LRP1: variants seen among roughly 807,000 people sequenced by gnomAD.
LRP1 encodes the protein prolow-density lipoprotein receptor-related protein 1.
LRP1 carries 51 observed loss-of-function variants against 541.5 expected under a neutral mutation model. The ratio of observed to expected loss-of-function variants is 0.09; its 90% CI spans 0.08 to 0.12. The LOEUF is 0.12. Ranked by LOEUF, LRP1 falls within the 10% of genes least tolerant of loss-of-function variation. The pLI, the probability that LRP1 is intolerant of heterozygous loss-of-function variation, is 1.00. For synonymous variants in LRP1, 2,219 were observed against 2,470.8 expected (o/e 0.90, Z 3.02); for missense variants, 3,878 against 6,376.2 (o/e 0.61, Z 13.34).
chr12:57,181,827 A>C (rs140128292), intron 34 of LRP1, among the ~76,000 whole-genome samples: 43 of 152,320 alleles, frequency 2.8e-4, no homozygotes, highest in African/African-American at 8.9e-4. Context: ...GGGCTCAGTA[A>C]GGGTTGAAGA....
chr12:57,193,605 A>G lies in LRP1; in HGVS notation c.7724A>G (p.Asn2575Ser), dbSNP rs771465981. The G allele has an allele frequency of 4.3e-6, 7 of 1,614,040 alleles. No homozygotes were observed. The highest frequency in any genetic ancestry group is 4.5e-5 in the East Asian group (2 of 44,900). ...RCKKTFRQCS[N>S]GRCVSNMLWC... ...AAGAAGACTTTCCGGCAGTGCAGCA[A>G]TGGGCGCTGTGTGTCCAACATGCTG... is the stretch of plus-strand genomic sequence containing the variant. Residue 2575 changes from asparagine (N) to serine (S), a missense_variant, in exon 47 of 89, where the codon AAT becomes AGT. Asn to Ser is a conservative substitution (Grantham distance 46). Around this residue, in one of 13 missense-constraint regions of LRP1, gnomAD observed 1,100 missense variants for 1,827.4 expected, o/e 0.60. Transcript: ENST00000243077.
In LRP1 at chr12:57,180,349, T is replaced by C; in HGVS notation, c.5256T>C (p.Pro1752=). 1 of 1,614,076 alleles carries C rather than the reference T, an allele frequency of 6.2e-7. No homozygotes were observed. Among genetic ancestry groups the C allele is most frequent in the Non-Finnish European group, 8.5e-7 (1 of 1,180,010 alleles). The change falls in exon 32 of 89, where the codon CCT becomes CCC. Residue 1752 remains proline (P), a synonymous_variant. Transcript: ENST00000243077. ...KGPVGLAIDF[P]ESKLYWISSG... ...TTCCAGGCCTGGCTATTGACTTCCC[T>C]GAAAGCAAACTCTACTGGATCAGCT...
In LRP1 at chr12:57,162,285, C is replaced by G; in HGVS notation, c.2203-32C>G. 6.3e-7 allele frequency: 1 copy of G among 1,590,632 alleles called. No homozygotes were observed. The highest frequency in any genetic ancestry group is 2.2e-5 in the East Asian group (1 of 44,756). On this transcript the variant is annotated intron_variant, in intron 13 of 88. Transcript: ENST00000243077. The surrounding 1 kb of genome is among the most constrained non-coding windows in gnomAD (Gnocchi z 5.2). ...TCACAGGCCTCCCTCAATTTTCTTC[C>G]AACTCCTTAGTAACATCCTCTCCAT... is the stretch of plus-strand genomic sequence containing the variant.
chr12:57,149,118 T>C, intron 6 of LRP1: 1 of 506,966 alleles, frequency 2.0e-6, no homozygotes, highest in South Asian at 3.2e-5. Context: ...CTCCCCACTG[T>C]GCTGGGCACC....
chr12:57,182,607 C>T (rs1387585830), intron 34 of LRP1, among the ~76,000 whole-genome samples: 2 of 151,280 alleles, frequency 1.3e-5, no homozygotes, highest in African/African-American at 4.9e-5. Flanking sequence ...ACCTTGAGGC[C>T]GGGGTTCAAG....
intron 3 of LRP1, among the ~76,000 whole-genome samples, chr12:57,142,401 G>A (rs1174044294): frequency 6.6e-6 from 1 of 152,240 alleles, no homozygotes; most frequent in African/African-American, 2.4e-5. Context: ...TCTGTGGGAG[G>A]AGACTCATCT....
At position 57,205,093 on chromosome 12, in the gene LRP1, C is replaced by T; in HGVS notation, c.11195-16C>T. ...AGGGGAGAATACCCAGGGCCTAAAGCCTCTGCCCTCCTCAGAGCCCCCCAC... is the reference window on the plus strand; with the variant it reads ...AGGGGAGAATACCCAGGGCCTAAAGTCTCTGCCCTCCTCAGAGCCCCCCAC... On this transcript the variant is annotated splice_polypyrimidine_tract_variant and intron_variant, in intron 72 of 88. Transcript: ENST00000243077. The surrounding 1 kb of genome is among the most constrained non-coding windows in gnomAD (Gnocchi z 4.6). The T allele has an allele frequency of 3.7e-6, 6 of 1,609,146 alleles. No homozygotes were observed. Among genetic ancestry groups the T allele is most frequent in the Non-Finnish European group, 5.1e-6 (6 of 1,177,192 alleles).
At chr12:57,141,597 T>C (rs891792229) in intron 3 of LRP1, 86 bp downstream of exon 3, 1 of 1,528,754 alleles carries the variant, frequency 6.5e-7, no homozygotes, top group African/African-American at 1.4e-5. Context: ...GCACCTTCAG[T>C]GGGGATGAGG....
chr12:57,206,456 G>T lies in LRP1; in HGVS notation c.11591-17G>T. 1 of 1,612,932 alleles carries T rather than the reference G, an allele frequency of 6.2e-7. No individual in the cohort carries two copies. The highest frequency in any genetic ancestry group is 1.1e-5 in the South Asian group (1 of 91,058). Reference sequence around the variant, plus strand: ...CCTGCATCCCACAGCCCCAGCCCTGGCCTCTTGCTTCTCCAGGCTCTGAGT... The same window carrying T: ...CCTGCATCCCACAGCCCCAGCCCTGTCCTCTTGCTTCTCCAGGCTCTGAGT... On this transcript the variant is annotated splice_polypyrimidine_tract_variant and intron_variant, in intron 75 of 88. Coordinates refer to ENST00000243077, the MANE Select transcript of LRP1 (RefSeq NM_002332.3). This position sits in a 1 kb window ranked among gnomAD's most constrained non-coding sequence, Gnocchi z 4.7.
chr12:57,158,694 A>G lies in LRP1; in HGVS notation c.1798+56A>G, dbSNP rs1192711530. ...GATGGAAGGGGGCTGGGGCCCAGGC[A>G]TCTGTTTCTCGGTGCCCTCTCAGCA... On this transcript the variant is annotated intron_variant, in intron 11 of 88. Transcript: ENST00000243077. This position sits in a 1 kb window ranked among gnomAD's most constrained non-coding sequence, Gnocchi z 5.3. 29 of 1,524,952 alleles carry G rather than the reference A, an allele frequency of 1.9e-5. 1 individual carries two copies. The highest frequency in any genetic ancestry group is 6.9e-5 in the Admixed American group (4 of 57,962). 94.5% of individuals were successfully genotyped at this position (1,524,952 alleles called of 1,614,324 possible). A position where few individuals can be genotyped will look rare whatever the true frequency, so the allele number is the denominator to read the frequency against.
In LRP1 at chr12:57,185,663, G is replaced by A. The variant is rs2036255448; in HGVS notation, c.6596G>A (p.Gly2199Asp). 1 of 1,613,422 alleles carries A rather than the reference G, an allele frequency of 6.2e-7. No individual in the cohort carries two copies. Among genetic ancestry groups the A allele is most frequent in the Non-Finnish European group, 8.5e-7 (1 of 1,179,988 alleles). Residue 2199 changes from glycine (G) to aspartate (D), a missense_variant, in exon 41 of 89, where the codon GGC (glycine) becomes GAC (aspartate). Physicochemically the swap from Gly to Asp is moderately conservative, Grantham distance 94 (BLOSUM62 -1). Coordinates refer to ENST00000243077, the MANE Select transcript of LRP1 (RefSeq NM_002332.3). The surrounding 1 kb of genome is among the most constrained non-coding windows in gnomAD (Gnocchi z 4.9). ...GGAGCATCGTGCCGCGAGTATGCCG[G>A]CTACCTGCTCTACTCAGAGCGCACC... The part of the protein sequence containing the change: ...EDGASCREYA[G>D]YLLYSERTIL...
In LRP1 at chr12:57,207,990, T is replaced by C. The variant is rs41309405; in HGVS notation, c.11860-48T>C. 4,154 of 1,590,738 alleles carry C rather than the reference T, an allele frequency of 2.6e-3. 3 individuals are homozygous for C. The highest frequency in any genetic ancestry group is 3.3e-3 in the Non-Finnish European group (3,831 of 1,163,880). ...TGGCAGAGTGGTGGCGGGGGGATAA[T>C]GGCAGGAAGACAAAGCAGTGGCCCC... On this transcript the variant is annotated intron_variant, in intron 76 of 88. Coordinates refer to ENST00000243077, the MANE Select transcript of LRP1 (RefSeq NM_002332.3).
rs34630693 is a variant in LRP1, at chr12:57,212,472, C to A, written c.13552C>A (p.Arg4518Ser). Residue 4518 changes from arginine (R) to serine (S), a missense_variant, in exon 89 of 89, where the codon CGC becomes AGC. This residue lies in a region of LRP1 where 871 missense variants were observed against 1,212.4 expected (regional missense o/e 0.72). Coordinates refer to ENST00000243077, the MANE Select transcript of LRP1 (RefSeq NM_002332.3). This position sits in a 1 kb window ranked among gnomAD's most constrained non-coding sequence, Gnocchi z 5.0. The part of the protein sequence containing the change: ...ATLYMGGHGS[R>S]HSLASTDEKR... The stretch of plus-strand genomic sequence containing the variant: ...ACTCTACATGGGGGGCCATGGCAGT[C>A]GCCACTCCCTGGCCAGCACGGACGA... The A allele has an allele frequency of 2.1e-5, 34 of 1,614,080 alleles. No individual in the cohort carries two copies. Among genetic ancestry groups the A allele is most frequent in the Non-Finnish European group, 2.8e-5 (33 of 1,179,996 alleles).
chr12:57,138,182 G>T (rs928201114), intron 1 of LRP1, among the ~76,000 whole-genome samples: 1 of 152,124 alleles, frequency 6.6e-6, no homozygotes, highest in African/African-American at 2.4e-5. Context: ...GAATAGCAAA[G>T]GCTTTGACCC....
At chr12:57,163,102 T>A in intron 15 of LRP1, 119 bp downstream of exon 15, 2 of 1,371,824 alleles carry the variant, frequency 1.5e-6, no homozygotes, top group South Asian at 3.0e-5. Context: ...GAGGGGCCCT[T>A]AGGGGGCCAA....
intron 6 of LRP1, chr12:57,146,827 A>T (rs956241639): frequency 6.6e-6 from 1 of 152,300 alleles, no homozygotes; most frequent in Non-Finnish European, 1.5e-5. Context: ...CCCATGGCTG[A>T]TGGGGTGGGA....
At chr12:57,144,593 T>C (rs911037661) in intron 4 of LRP1, 1 of 226,452 alleles carries the variant, frequency 4.4e-6, no homozygotes, top group African/African-American at 2.2e-5. Flanking sequence ...ACCTCTAATG[T>C]ATACTTTATT....
rs916577942 is a variant in LRP1, at chr12:57,189,433, C to T, written c.7032-1372C>T. ...CCCAACTTACATCCCGATTCCAGAG[C>T]CACCGCAAACCCCTGCTCTCCTCCA... On this transcript the variant is annotated intron_variant, in intron 42 of 88. Coordinates refer to ENST00000243077, the MANE Select transcript of LRP1 (RefSeq NM_002332.3). The surrounding 1 kb of genome is among the most constrained non-coding windows in gnomAD (Gnocchi z 4.4). 1.3e-5 allele frequency among the ~76,000 whole-genome samples: 2 copies of T among 152,168 alleles called. No individual in the cohort carries two copies. The highest frequency in any genetic ancestry group is 2.9e-5 in the Non-Finnish European group (2 of 68,030).
At chr12:57,172,256 C>T (rs969900208) in intron 20 of LRP1, among the ~76,000 whole-genome samples, 7 of 151,830 alleles carry the variant, frequency 4.6e-5, no homozygotes, top group African/African-American at 1.5e-4. Flanking sequence ...CTGCAAGCTC[C>T]GCCTCCCAGT....
Sources: gnomAD v4.1 joint callset for allele counts (sites outside exome capture counted in the v4.1 genomes callset) on GRCh38, gnomAD v4.1.1 for gene constraint, gnomAD v4.1.1 regional missense constraint, Gnocchi (gnomAD v3.1) non-coding constraint, MANE v1.5 for transcripts, NCBI Gene and HGNC (gene_info 2026-07-23, HGNC 2026-07-21) for gene names.